Variants in HMCN2 observed in about 807,000 individuals in gnomAD.
HMCN2 encodes hemicentin 2.
HMCN2 carries 325 observed loss-of-function variants against 377.5 expected under a neutral mutation model. That is an observed-to-expected ratio of 0.86 (90% CI 0.79 to 0.94). HMCN2 has a LOEUF of 0.94. Ranked by LOEUF, HMCN2 falls within the 40% of genes least tolerant of loss-of-function variation. The pLI, the probability that HMCN2 is intolerant of heterozygous loss-of-function variation, is 0.00. For missense variants in HMCN2, 4,543 were observed against 4,725.3 expected, an observed-to-expected ratio of 0.96 and a Z score of 1.13; for synonymous variants, 2,007 against 2,046.8, an observed-to-expected ratio of 0.98 and a Z score of 0.53.
At chr9:130,410,478 G>T in intron 84 of HMCN2, 93 bp from the exon 85 acceptor site, 1 of 1,171,778 alleles carries the variant, frequency 8.5e-7, no homozygotes. Context: ...TAAGCCCCTT[G>T]CTGGCTGGCT....
intron 15 of HMCN2, among the ~76,000 whole-genome samples, chr9:130,314,047 T>C (rs1837414086): frequency 6.6e-6 from 1 of 152,216 alleles, no homozygotes. Context: ...CCCAAAGTGC[T>C]GGGATTACAG....
At chr9:130,430,673 G>A in intron 95 of HMCN2, 69 bp downstream of exon 95, 1 of 1,401,530 alleles carries the variant, frequency 7.1e-7, no homozygotes, top group Non-Finnish European at 9.6e-7. Flanking sequence ...GGGTGGGTGT[G>A]CAGGTGTCAC....
intron 91 of HMCN2, 35 bp from the exon 92 acceptor site, chr9:130,427,462 G>A (rs1564886011): frequency 1.3e-6 from 2 of 1,550,348 alleles, no homozygotes; most frequent in Non-Finnish European, 1.7e-6. Context: ...AGGAGGGCCT[G>A]GGAGCGGAGA....
intron 22 of HMCN2, among the ~76,000 whole-genome samples, chr9:130,332,927 C>T (rs999452910): frequency 1.2e-4 from 19 of 152,130 alleles, no homozygotes; most frequent in Non-Finnish European, 2.4e-4. Context: ...GGCCCTGCTC[C>T]TGGATGCTTT....
At chr9:130,296,478 A>C (rs1206887029) in intron 6 of HMCN2, among the ~76,000 whole-genome samples, 196 bp from the exon 7 acceptor site, 1 of 152,150 alleles carries the variant, frequency 6.6e-6, no homozygotes, top group Non-Finnish European at 1.5e-5. Flanking sequence ...TTTGGGTTGT[A>C]AGCTGGGGCT....
Position 130,422,760 on chromosome 9 carries a change from G to A in HMCN2, c.13381+34G>A, listed in dbSNP as rs1844092169. 7.9e-7 allele frequency: 1 copy of A among 1,261,456 alleles called. No homozygotes were observed. Among genetic ancestry groups the A allele is most frequent in the Non-Finnish European group, 1.0e-6 (1 of 995,920 alleles). The allele number at this position is 1,261,456 out of a possible 1,614,324, so 78.1% of individuals were successfully genotyped here. Reference sequence around the variant, plus strand: ...AAGGCAGAGCATCACCTGCCTCTGGGTTATTGTCACAGCCCAGCGAGCATC... The same window carrying A: ...AAGGCAGAGCATCACCTGCCTCTGGATTATTGTCACAGCCCAGCGAGCATC... On this transcript the variant is annotated intron_variant, in intron 87 of 97. Transcript: ENST00000683500. The surrounding 1 kb of genome is among the most constrained non-coding windows in gnomAD (Gnocchi z 4.2).
intron 22 of HMCN2, among the ~76,000 whole-genome samples, chr9:130,329,935 G>A (rs1366851080): frequency 1.3e-4 from 19 of 151,988 alleles, no homozygotes; most frequent in Admixed American, 1.0e-3. Context: ...AAAACACACA[G>A]TGAGACTTTC....
At chr9:130,379,569 T>A in intron 54 of HMCN2, 102 bp downstream of exon 54, 1 of 411,238 alleles carries the variant, frequency 2.4e-6, no homozygotes, top group Non-Finnish European at 3.3e-6. Flanking sequence ...GGACCTTAGC[T>A]GCAATTTGTA....
In HMCN2 at chr9:130,431,505, G is replaced by T; in HGVS notation, c.14767+19G>T. 1 of 1,545,864 alleles carries T rather than the reference G, an allele frequency of 6.5e-7. No individual in the cohort carries two copies. ...TGCCAGGGTGAGCCGGGCTCAGGCC[G>T]CCGCCCAAACACCCGTGGGGCTAGG... On this transcript the variant is annotated intron_variant, in intron 96 of 97. Coordinates refer to ENST00000683500, the MANE Select transcript of HMCN2 (RefSeq NM_001291815.2).
chr9:130,406,331 A>C (rs1438309164), intron 82 of HMCN2, 163 bp downstream of exon 82: 7 of 476,978 alleles, frequency 1.5e-5, no homozygotes, highest in Non-Finnish European at 2.5e-5. Flanking sequence ...GGACAGGGCA[A>C]ACCCAGCTGT....
At chr9:130,400,621 G>A (rs1842818666) in intron 76 of HMCN2, 162 bp from the exon 77 acceptor site, 1 of 301,526 alleles carries the variant, frequency 3.3e-6, no homozygotes, top group South Asian at 3.2e-5. Context: ...TGCCCAGAAG[G>A]ATGTGCTGAG....
Position 130,382,783 on chromosome 9 carries a change from C to T in HMCN2, c.8650C>T (p.Pro2884Ser). The T allele has an allele frequency of 2.0e-6, 2 of 985,976 alleles. No individual in the cohort carries two copies. Among genetic ancestry groups the T allele is most frequent in the Non-Finnish European group, 2.4e-6 (2 of 829,996 alleles). The allele number at this position is 985,976 out of a possible 1,614,324, so 61.1% of individuals were successfully genotyped here. A position where few individuals can be genotyped will look rare whatever the true frequency, so the allele number is the denominator to read the frequency against. ...LQCPALGNPVPTISWLQNGLP... is the reference protein window; with the variant it reads ...LQCPALGNPVSTISWLQNGLP... ...GTGCCCGGCCCTGGGAAACCCCGTG[C>T]CCACCATCTCATGGCTCCAGAATGG... is the stretch of plus-strand genomic sequence containing the variant. The change falls in exon 56 of 98, where the codon CCC becomes TCC. Residue 2884 changes from proline (P) to serine (S), a missense_variant. Pro to Ser is a moderately conservative substitution (Grantham distance 74). This residue lies in a region of HMCN2 where 736 missense variants were observed against 773.2 expected (regional missense o/e 0.95). Transcript: ENST00000683500.
chr9:130,401,813 C>T (rs575100977), intron 77 of HMCN2, among the ~76,000 whole-genome samples: 30 of 152,270 alleles, frequency 2.0e-4, no homozygotes, highest in African/African-American at 6.7e-4. Flanking sequence ...GGGACTCACG[C>T]CTGTAATTCC....
Position 130,351,311 on chromosome 9 carries a change from C to A in HMCN2, c.4431-112C>A. 2.6e-6 allele frequency: 2 copies of A among 782,098 alleles called. No homozygotes were observed. Among genetic ancestry groups the A allele is most frequent in the Non-Finnish European group, 1.8e-6 (1 of 566,108 alleles). The allele number at this position is 782,098 out of a possible 1,614,324, so 48.4% of individuals were successfully genotyped here. On this transcript the variant is annotated intron_variant, in intron 29 of 97. Coordinates refer to ENST00000683500, the MANE Select transcript of HMCN2 (RefSeq NM_001291815.2). The surrounding 1 kb of genome is among the most constrained non-coding windows in gnomAD (Gnocchi z 5.4). ...CCTTTGCATTGCTCCCACCTCTTGG[C>A]GCTAATGAATGGCCCAGCCTCGCTT...
intron 22 of HMCN2, among the ~76,000 whole-genome samples, chr9:130,335,518 C>A (rs947881559): frequency 2.6e-5 from 4 of 152,026 alleles, no homozygotes; most frequent in African/African-American, 9.7e-5. Flanking sequence ...TTGAAGACTG[C>A]GGAGAGGTCC....
At chr9:130,365,125 C>T (rs550772313) in intron 41 of HMCN2, among the ~76,000 whole-genome samples, 35 of 152,360 alleles carry the variant, frequency 2.3e-4, no homozygotes, top group African/African-American at 7.2e-4. Context: ...CCCCCCTACA[C>T]CTTGTGATAT....
chr9:130,289,812 T>C (rs1835642788), intron 4 of HMCN2, among the ~76,000 whole-genome samples: 1 of 152,140 alleles, frequency 6.6e-6, no homozygotes, highest in Admixed American at 6.5e-5. Flanking sequence ...ACCCCCTGAC[T>C]AGGGTTCTCT....
At chr9:130,415,623 A>G (rs1843642970) in intron 85 of HMCN2, among the ~76,000 whole-genome samples, 1 of 152,244 alleles carries the variant, frequency 6.6e-6, no homozygotes, top group Non-Finnish European at 1.5e-5. Flanking sequence ...AGAAAATCTC[A>G]GCAAAACGTG....
At chr9:130,294,138 G>A (rs1385177171) in intron 4 of HMCN2, among the ~76,000 whole-genome samples, 1 of 152,148 alleles carries the variant, frequency 6.6e-6, no homozygotes, top group African/African-American at 2.4e-5. Context: ...TCAGTTTGTG[G>A]TAGGGGGAGT....
Sources: allele counts gnomAD v4.1 joint callset (sites outside exome capture counted in the v4.1 genomes callset), GRCh38; gene constraint gnomAD v4.1.1; regional missense constraint gnomAD v4.1.1; non-coding constraint Gnocchi (gnomAD v3.1); transcripts MANE v1.5; gene names NCBI Gene and HGNC (gene_info 2026-07-23, HGNC 2026-07-21).